Variants in FRMD4B observed in about 807,000 individuals in gnomAD.
The protein encoded by FRMD4B is FERM domain containing 4B.
In FRMD4B, 74 loss-of-function variants were observed where a neutral mutation model predicts 141.5. The observed-to-expected ratio is 0.52, with a 90% confidence interval of 0.43 to 0.63. FRMD4B has a LOEUF of 0.63. FRMD4B is among the 30% of genes least tolerant of loss of function. FRMD4B has a pLI of 0.00. For missense variants in FRMD4B, 1,366 were observed against 1,253.4 expected (o/e 1.09, Z -1.36); for synonymous variants, 506 against 467.9 (o/e 1.08, Z -1.05).
intron 2 of FRMD4B, among the ~76,000 whole-genome samples, chr3:69,399,093 A>T (rs1438571351): frequency 6.6e-6 from 1 of 152,228 alleles, no homozygotes; most frequent in Non-Finnish European, 1.5e-5. Context: ...AAGAAGCCCA[A>T]ATGCAATAAT....
intron 5 of FRMD4B, among the ~76,000 whole-genome samples, chr3:69,274,402 G>A (rs552504463): frequency 4.6e-5 from 7 of 152,286 alleles, no homozygotes; most frequent in African/African-American, 1.2e-4. Flanking sequence ...CACCTCCTCC[G>A]TAGCTGGCAG....
chr3:69,231,603 A>T (rs1575636966), intron 7 of FRMD4B, among the ~76,000 whole-genome samples: 1 of 152,274 alleles, frequency 6.6e-6, no homozygotes, highest in South Asian at 2.1e-4. Context: ...GCATCCTTCT[A>T]ATTTGTTCTT....
chr3:69,258,522 GT>G (rs551487269), intron 5 of FRMD4B, among the ~76,000 whole-genome samples: 2 of 150,710 alleles, frequency 1.3e-5, no homozygotes, highest in Middle Eastern at 3.4e-3. Context: ...TCAATTTGCA[GT>G]TTTTTTTTCA....
chr3:69,502,128 T>A (rs1575593182), intron 1 of FRMD4B, among the ~76,000 whole-genome samples: 1 of 152,282 alleles, frequency 6.6e-6, no homozygotes, highest in African/African-American at 2.4e-5. Context: ...ATAGATTCAA[T>A]GCCATCCCCA....
chr3:69,522,439 C>T (rs1051286594), intron 1 of FRMD4B, among the ~76,000 whole-genome samples: 1 of 152,142 alleles, frequency 6.6e-6, no homozygotes, highest in African/African-American at 2.4e-5. Context: ...ACATTTAACA[C>T]TTCTATCCAC....
chr3:69,414,908 T>C lies in FRMD4B; in HGVS notation c.-1+17726A>G, dbSNP rs377176821. On this transcript the variant is annotated intron_variant, in intron 2 of 5. Coordinates refer to the FRMD4B transcript ENST00000459638. Reference sequence around the variant, plus strand: ...TGAGATGGAGTCTCGCTCTGTCACCTAGGCTGGAGTGCAGTAGCGAGATCT... The same window carrying C: ...TGAGATGGAGTCTCGCTCTGTCACCCAGGCTGGAGTGCAGTAGCGAGATCT... 1.1e-4 allele frequency among the ~76,000 whole-genome samples: 14 copies of C among 128,174 alleles called. No homozygotes were observed. The South Asian group carries it at 3.9e-3, about 36-fold the overall frequency. 84.1% of individuals were successfully genotyped at this position (128,174 alleles called of 152,430 possible). A position where few individuals can be genotyped will look rare whatever the true frequency, so the allele number is the denominator to read the frequency against.
intron 2 of FRMD4B, among the ~76,000 whole-genome samples, chr3:69,398,338 T>C (rs1176039677): frequency 5.3e-5 from 8 of 152,196 alleles, no homozygotes; most frequent in Admixed American, 1.3e-4. Context: ...TTACAATGTG[T>C]AGTGATCAGA....
rs2092947671 is a variant in FRMD4B at position 69,199,736 on chromosome 3, T to C, written c.877-962A>G. Among the ~76,000 whole-genome samples the C allele has an allele frequency of 2.0e-5, 3 of 152,216 alleles. No individual in the cohort carries two copies. In the South Asian group the frequency reaches 6.2e-4, roughly 31 times the overall value. The stretch of plus-strand genomic sequence containing the variant: ...TGATATACACACTACTGATACTCTA[T>C]TGCGGCACTCAGTGCCGTCAGTTTG... On this transcript the variant is annotated intron_variant, in intron 11 of 22. Coordinates refer to ENST00000398540, the MANE Select transcript of FRMD4B (RefSeq NM_015123.3).
intron 4 of FRMD4B, among the ~76,000 whole-genome samples, chr3:69,289,473 A>T (rs1700803370): frequency 6.6e-6 from 1 of 152,150 alleles, no homozygotes; most frequent in Admixed American, 6.5e-5. Flanking sequence ...ACTGCCCCGG[A>T]CACTGTAACC....
chr3:69,452,080 C>A (rs745768813), intron 1 of FRMD4B, among the ~76,000 whole-genome samples: 1 of 152,210 alleles, frequency 6.6e-6, no homozygotes, highest in Non-Finnish European at 1.5e-5. Context: ...GAATTCAACA[C>A]GAACTTTATA....
At chr3:69,408,665 A>T (rs533163740) in intron 2 of FRMD4B, among the ~76,000 whole-genome samples, 1 of 151,628 alleles carries the variant, frequency 6.6e-6, no homozygotes, top group Non-Finnish European at 1.5e-5. Context: ...TGGTAGGGGG[A>T]GTGGGGGGTG....
At chr3:69,431,890 A>C (rs557360925) in intron 2 of FRMD4B, among the ~76,000 whole-genome samples, 1 of 152,220 alleles carries the variant, frequency 6.6e-6, no homozygotes. Context: ...CATATTTTAC[A>C]TCAATGTCCT....
At chr3:69,308,374 C>A (rs375317984) in intron 3 of FRMD4B, among the ~76,000 whole-genome samples, 1 of 151,986 alleles carries the variant, frequency 6.6e-6, no homozygotes, top group African/African-American at 2.4e-5. Context: ...CCTGCTCCTA[C>A]CTCCCTCTCA....
At chr3:69,172,174 A>AT (rs1264395200) in intron 22 of FRMD4B, among the ~76,000 whole-genome samples, 193 bp from the exon 23 acceptor site, 1 of 152,232 alleles carries the variant, frequency 6.6e-6, no homozygotes, top group Non-Finnish European at 1.5e-5. Flanking sequence ...TAACAGGCCC[A>AT]TAAAAAGGAT....
chr3:69,487,197 G>T (rs1706228848), intron 1 of FRMD4B, among the ~76,000 whole-genome samples: 1 of 152,172 alleles, frequency 6.6e-6, no homozygotes, highest in Non-Finnish European at 1.5e-5. Flanking sequence ...CAGTCTCATA[G>T]AACCTCTTTA....
At chr3:69,251,271 C>T (rs2093462342) in intron 5 of FRMD4B, among the ~76,000 whole-genome samples, 1 of 152,174 alleles carries the variant, frequency 6.6e-6, no homozygotes, top group African/African-American at 2.4e-5. Flanking sequence ...TTCCTCCCTT[C>T]CACCTCTTGA....
At chr3:69,340,617 G>A (rs550110771) in intron 1 of FRMD4B, among the ~76,000 whole-genome samples, 33 of 152,182 alleles carry the variant, frequency 2.2e-4, no homozygotes, top group Non-Finnish European at 2.5e-4. Flanking sequence ...ATGGGCAGAC[G>A]ACTTCAGCTC....
intron 1 of FRMD4B, among the ~76,000 whole-genome samples, chr3:69,541,792 C>CCCCG (rs913744733): frequency 6.6e-6 from 1 of 151,074 alleles, no homozygotes; most frequent in African/African-American, 2.4e-5. Context: ...AGGGATTTCC[C>CCCCG]CCCCCTCTTT....
At chr3:69,316,593 C>T (rs1303741149) in intron 1 of FRMD4B, among the ~76,000 whole-genome samples, 1 of 151,294 alleles carries the variant, frequency 6.6e-6, no homozygotes, top group Non-Finnish European at 1.5e-5. Flanking sequence ...TATTTCTATA[C>T]CAGAGGAGGA....
Sources: gnomAD v4.1 joint callset for allele counts (sites outside exome capture counted in the v4.1 genomes callset) on GRCh38, gnomAD v4.1.1 for gene constraint, MANE v1.5 for transcripts, NCBI Gene and HGNC (gene_info 2026-07-23, HGNC 2026-07-21) for gene names.